IPMK: variants seen among roughly 807,000 people sequenced by gnomAD.
IPMK encodes the protein inositol polyphosphate multikinase, also known as inositol 1,3,4,6-tetrakisphosphate 5-kinase.
Under a neutral mutation model 45.8 loss-of-function variants are expected in IPMK, and 17 were observed. That is an observed-to-expected ratio of 0.37 (90% CI 0.25 to 0.56). The LOEUF is 0.56. Among genes scored for constraint, IPMK ranks in the 20% least tolerant of loss-of-function variants. The pLI is 0.79. For missense variants in IPMK, 399 were observed against 498.0 expected (o/e 0.80, Z 1.89); for synonymous variants, 180 against 184.3 (o/e 0.98, Z 0.19).
Position 58,195,837 on chromosome 10 carries a change from C to G in IPMK, c.*239G>C. Reference sequence around the variant, plus strand: ...CCAAAAAAGATGTTTAAGCCATGTACCACCACATTCCCTGCTTAACATTCC... The same window carrying G: ...CCAAAAAAGATGTTTAAGCCATGTAGCACCACATTCCCTGCTTAACATTCC... On this transcript the variant is annotated 3_prime_UTR_variant, in exon 6 of 6. Transcript: ENST00000373935. The G allele has an allele frequency of 2.3e-6, 1 of 430,644 alleles. No individual in the cohort carries two copies. The highest frequency in any genetic ancestry group is 4.1e-6 in the Non-Finnish European group (1 of 243,824). The allele number at this position is 430,644 out of a possible 1,614,324, so 26.7% of individuals were successfully genotyped here.
At chr10:58,207,293 T>C (rs1838085341) in intron 4 of IPMK, among the ~76,000 whole-genome samples, 1 of 152,246 alleles carries the variant, frequency 6.6e-6, no homozygotes, top group Non-Finnish European at 1.5e-5. Flanking sequence ...AATCACATTT[T>C]CTTTATCCAT....
intron 2 of IPMK, 45 bp downstream of exon 2, chr10:58,237,684 T>C (rs759740791): frequency 2.9e-5 from 42 of 1,450,642 alleles, no homozygotes; most frequent in Non-Finnish European, 4.1e-5. Context: ...CAGAAAACTC[T>C]GAAAAACACT....
At chr10:58,244,491 C>A (rs946947918) in intron 1 of IPMK, among the ~76,000 whole-genome samples, 1 of 152,160 alleles carries the variant, frequency 6.6e-6, no homozygotes, top group South Asian at 2.1e-4. Flanking sequence ...AAGTGAGGAG[C>A]GCCTCTGCCA....
chr10:58,195,255 T>C lies in IPMK; in HGVS notation c.*821A>G, dbSNP rs187059611. The C allele has an allele frequency of 3.3e-5, 5 of 152,234 alleles. No homozygotes were observed. The East Asian group carries it at 9.6e-4, about 29-fold the overall frequency. The allele number at this position is 152,234 out of a possible 1,614,324, so 9.4% of individuals were successfully genotyped here. ...TTACTTTTTTGAAGCTGCATTTAGA[T>C]ACAAAGGTATATGGTTTATGATACT... On this transcript the variant is annotated 3_prime_UTR_variant, in exon 6 of 6. Coordinates refer to ENST00000373935, the MANE Select transcript of IPMK (RefSeq NM_152230.5).
chr10:58,236,274 C>T (rs141393104), intron 2 of IPMK, among the ~76,000 whole-genome samples: 4 of 151,944 alleles, frequency 2.6e-5, no homozygotes, highest in Non-Finnish European at 4.4e-5. Context: ...AAAATAGATA[C>T]GAAAAGGCTC....
At chr10:58,214,725 AACT>A (rs1838218635) in intron 4 of IPMK, among the ~76,000 whole-genome samples, 1 of 152,240 alleles carries the variant, frequency 6.6e-6, no homozygotes, top group Admixed American at 6.5e-5. Context: ...TGAATTTCAG[AACT>A]ACCCATTATG....
At chr10:58,199,996 A>G (rs1034650538) in intron 4 of IPMK, among the ~76,000 whole-genome samples, 4 of 152,256 alleles carry the variant, frequency 2.6e-5, no homozygotes, top group Admixed American at 1.3e-4. Flanking sequence ...GTAAAAGAAG[A>G]TATCTTTAAA....
At position 58,267,527 on chromosome 10, in the gene IPMK, G is replaced by C. The variant is rs1369725927; in HGVS notation, c.85C>G (p.Pro29Ala). The change falls in exon 1 of 6, where the codon CCT becomes GCT. Residue 29 changes from proline (P) to alanine (A), a missense_variant. This residue lies in a region of IPMK where 111 missense variants were observed against 99.9 expected (regional missense o/e 1.11). Coordinates refer to ENST00000373935, the MANE Select transcript of IPMK (RefSeq NM_152230.5). ...CCCGCCGGCTGCGGGGTGCCCTCAGGGGTGGACTCGATCGCCGGTGAGGTC... is the reference window on the plus strand; with the variant it reads ...CCCGCCGGCTGCGGGGTGCCCTCAGCGGTGGACTCGATCGCCGGTGAGGTC... ...MRTSPAIEST[P>A]EGTPQPAGGR... 2 of 1,612,958 alleles carry C rather than the reference G, an allele frequency of 1.2e-6. No individual in the cohort carries two copies. Among genetic ancestry groups the C allele is most frequent in the South Asian group, 2.2e-5 (2 of 91,006 alleles).
At chr10:58,247,949 T>C (rs1263989184) in intron 1 of IPMK, among the ~76,000 whole-genome samples, 5 of 152,214 alleles carry the variant, frequency 3.3e-5, no homozygotes, top group Non-Finnish European at 7.3e-5. Flanking sequence ...CACAGCTTGC[T>C]CCACAGCTAC....
chr10:58,248,522 T>C (rs1416230106), intron 1 of IPMK, among the ~76,000 whole-genome samples: 1 of 152,212 alleles, frequency 6.6e-6, no homozygotes, highest in Admixed American at 6.5e-5. Flanking sequence ...AGTGTATCCA[T>C]CACCTCAAAC....
At chr10:58,199,959 T>G (rs1215301078) in intron 4 of IPMK, among the ~76,000 whole-genome samples, 1 of 151,972 alleles carries the variant, frequency 6.6e-6, no homozygotes, top group Admixed American at 6.6e-5. Flanking sequence ...CCAAAGAACA[T>G]GAAAATAAGC....
At chr10:58,248,440 A>C (rs927271891) in intron 1 of IPMK, among the ~76,000 whole-genome samples, 4 of 152,330 alleles carry the variant, frequency 2.6e-5, no homozygotes, top group Admixed American at 2.0e-4. Context: ...ATAACTGTAC[A>C]TATTTATGTG....
At chr10:58,197,300 A>AAACT (rs1588949472) in intron 5 of IPMK, among the ~76,000 whole-genome samples, 1 of 83,314 alleles carries the variant, frequency 1.2e-5, no homozygotes, top group East Asian at 5.5e-4. Context: ...CTCCGTCTCA[A>AAACT]AAATAAATAA....
chr10:58,256,829 A>C (rs2790147), intron 1 of IPMK, among the ~76,000 whole-genome samples: 50,531 of 151,830 alleles, frequency 0.33, 10,450 homozygotes, highest in African/African-American at 0.59. Context: ...GTTCCCCCGA[A>C]AGACAAGAGG....
intron 4 of IPMK, among the ~76,000 whole-genome samples, chr10:58,202,784 A>T (rs1838015680): frequency 1.3e-5 from 2 of 152,186 alleles, no homozygotes; most frequent in African/African-American, 4.8e-5. Flanking sequence ...TACTACTCAG[A>T]AAAAAAGATT....
chr10:58,197,681 AAAAG>A (rs1449644409), intron 5 of IPMK, among the ~76,000 whole-genome samples: 2 of 136,418 alleles, frequency 1.5e-5, no homozygotes, highest in African/African-American at 6.1e-5. Context: ...AAAAAAAAAA[AAAAG>A]AAATAGGATT....
chr10:58,214,846 TTC>T (rs1204966272), intron 4 of IPMK, among the ~76,000 whole-genome samples: 4 of 152,224 alleles, frequency 2.6e-5, no homozygotes, highest in African/African-American at 4.8e-5. Flanking sequence ...ACTTTGTTTT[TTC>T]TCTTTTTTAT....
At chr10:58,252,622 T>A (rs1588971383) in intron 1 of IPMK, among the ~76,000 whole-genome samples, 1 of 148,858 alleles carries the variant, frequency 6.7e-6, no homozygotes, top group African/African-American at 2.5e-5. Context: ...TTTTTTTTTT[T>A]TTTTTTTTGA....
intron 2 of IPMK, among the ~76,000 whole-genome samples, chr10:58,230,293 G>C (rs1838493519): frequency 6.6e-6 from 1 of 152,248 alleles, no homozygotes; most frequent in African/African-American, 2.4e-5. Flanking sequence ...GTTCTGAAGA[G>C]AGCAGTGGTT....
Sources: gnomAD v4.1 joint callset for allele counts (sites outside exome capture counted in the v4.1 genomes callset) on GRCh38, gnomAD v4.1.1 for gene constraint, gnomAD v4.1.1 regional missense constraint, MANE v1.5 for transcripts, NCBI Gene and HGNC (gene_info 2026-07-23, HGNC 2026-07-21) for gene names.